The following TCP11L2 variants were observed in gnomAD, a reference collection of about 807,000 sequenced individuals.
TCP11L2 encodes the protein t-complex 11 like 2.
TCP11L2 carries 39 observed loss-of-function variants against 50.7 expected under a neutral mutation model. The observed-to-expected ratio is 0.77, with a 90% CI of 0.60 to 1.01. The LOEUF (loss-of-function observed/expected upper bound fraction) is 1.01, where lower values mean the gene tolerates loss of function less well. Ranked by LOEUF, TCP11L2 falls within the 50% of genes least tolerant of loss-of-function variation. TCP11L2 has a pLI of 0.00. For missense variants in TCP11L2, 612 were observed against 614.7 expected (o/e 1.00, Z 0.05); for synonymous variants, 192 against 219.3 (o/e 0.88, Z 1.10).
chr12:106,346,323 T>A lies in TCP11L2; in HGVS notation c.1353T>A (p.Cys451Ter). ...AGCTTTACATGAGAAGGCTACTTTG[T>A]CTTCCAAGCCCTCAAAAATGCATGC... is the stretch of plus-strand genomic sequence containing the variant. ...RIKLYMRRLLCLPSPQKCMPP... is the reference protein window; with the variant it reads ...RIKLYMRRLL The change falls in exon 10 of 10, where the codon TGT (cysteine) becomes TGA (stop). Residue 451 changes from cysteine to a stop codon, truncating the protein, a stop_gained. Coordinates refer to ENST00000299045, the MANE Select transcript of TCP11L2 (RefSeq NM_152772.3). LOFTEE classifies it high-confidence loss of function. 1 of 1,613,454 alleles carries A rather than the reference T, an allele frequency of 6.2e-7. No individual in the cohort carries two copies. Among genetic ancestry groups the A allele is most frequent in the East Asian group, 2.2e-5 (1 of 44,866 alleles).
intron 6 of TCP11L2, among the ~76,000 whole-genome samples, chr12:106,331,696 A>G (rs879561267): frequency 3.9e-5 from 6 of 152,220 alleles, no homozygotes; most frequent in Admixed American, 3.9e-4. Flanking sequence ...CCTGCCCAAG[A>G]CATACAGCTA....
At chr12:106,317,119 C>T (rs1432630574) in intron 3 of TCP11L2, among the ~76,000 whole-genome samples, 1 of 152,200 alleles carries the variant, frequency 6.6e-6, no homozygotes, top group Non-Finnish European at 1.5e-5. Flanking sequence ...TACTTTGATA[C>T]TATGGAAAAT....
chr12:106,306,891 T>C (rs971530021), intron 1 of TCP11L2, among the ~76,000 whole-genome samples: 6 of 152,216 alleles, frequency 3.9e-5, no homozygotes. Context: ...AATGTTCTTA[T>C]GGCTTCAGTG....
chr12:106,312,863 CAG>C (rs1363012789), intron 2 of TCP11L2, among the ~76,000 whole-genome samples: 3 of 151,552 alleles, frequency 2.0e-5, no homozygotes, highest in African/African-American at 7.3e-5. Context: ...GCCTGGGAGA[CAG>C]AGCAAGACTC....
chr12:106,333,208 T>C (rs1207640025), intron 6 of TCP11L2, among the ~76,000 whole-genome samples: 46 of 152,188 alleles, frequency 3.0e-4, no homozygotes, highest in Non-Finnish European at 2.1e-4. Context: ...TTTAAGATGC[T>C]GTCCTTGGGG....
intron 8 of TCP11L2, among the ~76,000 whole-genome samples, chr12:106,340,023 C>T (rs1258303694): frequency 3.3e-5 from 5 of 152,234 alleles, no homozygotes; most frequent in African/African-American, 1.2e-4. Flanking sequence ...GAACCCAGCT[C>T]CACATAACAC....
intron 1 of TCP11L2, among the ~76,000 whole-genome samples, chr12:106,308,415 A>T (rs943720270): frequency 2.0e-4 from 30 of 152,246 alleles, no homozygotes; most frequent in African/African-American, 6.8e-4. Context: ...TGTTAAACAC[A>T]GTTAAGAAAC....
upstream of TCP11L2, among the ~76,000 whole-genome samples, chr12:106,302,389 C>G (rs1227423201): frequency 1.1e-5 from 1 of 90,850 alleles, no homozygotes; most frequent in Non-Finnish European, 2.2e-5. Flanking sequence ...CCGCTCAGCC[C>G]CCGCTCAGCC....
intron 9 of TCP11L2, among the ~76,000 whole-genome samples, chr12:106,344,733 G>T (rs973741749): frequency 3.9e-5 from 6 of 152,208 alleles, no homozygotes; most frequent in Non-Finnish European, 8.8e-5. Context: ...TGAGGTTTCT[G>T]TTCCCAAAGC....
In TCP11L2 at chr12:106,321,693, G is replaced by A. The variant is rs77806322; in HGVS notation, c.622G>A (p.Val208Met). The A allele has an allele frequency of 2.9e-5, 47 of 1,614,082 alleles. No homozygotes were observed. Among genetic ancestry groups the A allele is most frequent in the African/African-American group, 8.0e-5 (6 of 75,038 alleles). Residue 208 changes from valine to methionine, a missense_variant, in exon 5 of 10, where the codon GTG becomes ATG. Val to Met is a conservative substitution (Grantham distance 21). Coordinates refer to ENST00000299045, the MANE Select transcript of TCP11L2 (RefSeq NM_152772.3). Reference protein sequence around the residue: ...IRELKATGNIVEVLRQIFHVL... With the variant: ...IRELKATGNIMEVLRQIFHVL... ...AGAGTTAAAGGCTACTGGCAACATC[G>A]TGGAGGTGCTGAGGTTAGCACTTTT...
intron 2 of TCP11L2, 68 bp from the exon 3 acceptor site, chr12:106,314,290 C>T: frequency 6.5e-7 from 1 of 1,536,890 alleles, no homozygotes; most frequent in Non-Finnish European, 8.9e-7. Flanking sequence ...ACCTTATCTG[C>T]ATCAGGAGGC....
At chr12:106,325,603 C>G (rs2035508378) in intron 6 of TCP11L2, 1 of 152,124 alleles carries the variant, frequency 6.6e-6, no homozygotes, top group East Asian at 1.9e-4. Context: ...TGCATTAAAG[C>G]CAGACTGGGC....
At chr12:106,337,776 G>A (rs2035966871) in intron 8 of TCP11L2, among the ~76,000 whole-genome samples, 1 of 152,194 alleles carries the variant, frequency 6.6e-6, no homozygotes, top group Admixed American at 6.5e-5. Flanking sequence ...GAGAACTTAA[G>A]ATGATTCAGG....
At chr12:106,309,718 T>C (rs1267947238) in intron 1 of TCP11L2, among the ~76,000 whole-genome samples, 1 of 151,552 alleles carries the variant, frequency 6.6e-6, no homozygotes. Flanking sequence ...TAGCATTCAG[T>C]ACACAGTTTT....
At chr12:106,337,395 T>C (rs2035955149) in intron 8 of TCP11L2, among the ~76,000 whole-genome samples, 1 of 152,242 alleles carries the variant, frequency 6.6e-6, no homozygotes, top group African/African-American at 2.4e-5. Context: ...GACTGAGCCC[T>C]GATCTGACCT....
At chr12:106,308,675 A>G (rs1458691982) in intron 1 of TCP11L2, among the ~76,000 whole-genome samples, 3 of 152,222 alleles carry the variant, frequency 2.0e-5, no homozygotes, top group African/African-American at 7.2e-5. Context: ...AGATATTCAA[A>G]TAAGAGCATG....
chr12:106,299,424 G>T (rs2034380879), upstream of TCP11L2, among the ~76,000 whole-genome samples: 1 of 152,180 alleles, frequency 6.6e-6, no homozygotes, highest in Admixed American at 6.5e-5. Flanking sequence ...TATTCTGTGT[G>T]GGGAGATCAG....
intron 3 of TCP11L2, 83 bp downstream of exon 3, chr12:106,314,576 TGAGA>T (rs71072670): frequency 0.025 from 6,931 of 278,292 alleles, 49 homozygotes; most frequent in African/African-American, 0.06. Context: ...TGTGTGTGTG[TGAGA>T]GAGAGAGAGA....
In TCP11L2 at chr12:106,335,712, T is replaced by G. The variant is rs988896365; in HGVS notation, c.846T>G (p.Ala282=). 1 of 1,614,236 alleles carries G rather than the reference T, an allele frequency of 6.2e-7. No homozygotes were observed. Among genetic ancestry groups the G allele is most frequent in the East Asian group, 2.2e-5 (1 of 44,884 alleles). Residue 282 remains alanine, a synonymous_variant, in exon 7 of 10, where the codon GCT becomes GCG. Transcript: ENST00000299045. ...AATTATTTTCTCTTTCTGAGAGTGC[T>G]TTAACTCCTGGGGCCGAAAATACCT... ...NEELFSLSES[A]LTPGAENTSK...
Sources: allele counts gnomAD v4.1 joint callset (sites outside exome capture counted in the v4.1 genomes callset), GRCh38; gene constraint gnomAD v4.1.1; transcripts MANE v1.5; gene names NCBI Gene and HGNC (gene_info 2026-07-23, HGNC 2026-07-21).